Variants in CCDC138 observed in about 807,000 individuals in gnomAD.
CCDC138 encodes coiled-coil domain-containing protein 138.
Under a neutral mutation model 82.3 loss-of-function variants are expected in CCDC138, and 66 were observed. The observed-to-expected ratio is 0.80, with a 90% CI of 0.66 to 0.98. The LOEUF is 0.98. Among genes scored for constraint, CCDC138 ranks in the 50% least tolerant of loss-of-function variants. The probability of loss-of-function intolerance (pLI) is 0.00; values close to 1 mark genes in which losing one functional copy is unlikely to be tolerated. For missense variants in CCDC138, 816 were observed against 758.9 expected (o/e 1.08, Z -0.88); for synonymous variants, 297 against 265.4 (o/e 1.12, Z -1.16).
At chr2:108,870,017 T>C (rs1694998843) in intron 13 of CCDC138, among the ~76,000 whole-genome samples, 1 of 152,200 alleles carries the variant, frequency 6.6e-6, no homozygotes, top group African/African-American at 2.4e-5. Flanking sequence ...ATCTTAAATA[T>C]GCTCAATGAG....
intron 10 of CCDC138, among the ~76,000 whole-genome samples, chr2:108,833,446 A>C (rs1057079503): frequency 6.6e-6 from 1 of 152,244 alleles, no homozygotes; most frequent in African/African-American, 2.4e-5. Context: ...AACAGGAAGT[A>C]GAGATAGAGT....
chr2:108,821,005 C>T (rs1438813693), intron 10 of CCDC138, among the ~76,000 whole-genome samples: 1 of 87,108 alleles, frequency 1.1e-5, no homozygotes, highest in African/African-American at 3.8e-5. Context: ...TAGAATGTAA[C>T]AGACAAAAGT....
At chr2:108,839,450 G>T (rs1689099009) in intron 11 of CCDC138, 149 bp downstream of exon 11, 1 of 595,788 alleles carries the variant, frequency 1.7e-6, no homozygotes, top group Non-Finnish European at 2.7e-6. Context: ...GATAGGAATT[G>T]TGTTAAACCT....
chr2:108,868,752 A>G (rs192003181), intron 13 of CCDC138, among the ~76,000 whole-genome samples: 3 of 152,256 alleles, frequency 2.0e-5, no homozygotes, highest in African/African-American at 7.2e-5. Flanking sequence ...GCCTTTGACC[A>G]TGACACATAA....
intron 5 of CCDC138, 56 bp downstream of exon 5, chr2:108,794,777 G>T: frequency 7.5e-7 from 1 of 1,333,010 alleles, no homozygotes; most frequent in Non-Finnish European, 1.0e-6. Flanking sequence ...TAAGAACCAA[G>T]CATTTACGAA....
At chr2:108,870,598 A>G (rs1695078702) in intron 13 of CCDC138, among the ~76,000 whole-genome samples, 1 of 152,236 alleles carries the variant, frequency 6.6e-6, no homozygotes, top group African/African-American at 2.4e-5. Flanking sequence ...AGTATCTGCA[A>G]AGCAACAAAA....
At chr2:108,839,737 A>G (rs1308445861) in intron 11 of CCDC138, among the ~76,000 whole-genome samples, 3 of 151,914 alleles carry the variant, frequency 2.0e-5, no homozygotes, top group Non-Finnish European at 4.4e-5. Context: ...TGTGACCCTG[A>G]GCTTACTAGT....
At position 108,839,275 on chromosome 2, in the gene CCDC138, C is replaced by G; in HGVS notation, c.1297C>G (p.Leu433Val). 6.2e-7 allele frequency: 1 copy of G among 1,612,040 alleles called. No individual in the cohort carries two copies. Among genetic ancestry groups the G allele is most frequent in the Non-Finnish European group, 8.5e-7 (1 of 1,179,010 alleles). The change falls in exon 11 of 15, where the codon CTA becomes GTA. Residue 433 changes from leucine (L) to valine (V), a missense_variant. Coordinates refer to ENST00000295124, the MANE Select transcript of CCDC138 (RefSeq NM_144978.3). ...TTTTGTAAAATTTATATATTGGTCCCTAAGGCAGCTAGATGCTGGAGCACA... is the reference window on the plus strand; with the variant it reads ...TTTTGTAAAATTTATATATTGGTCCGTAAGGCAGCTAGATGCTGGAGCACA... ...EPFVKFIYWS[L>V]RQLDAGAQHS...
At position 108,850,672 on chromosome 2, in the gene CCDC138, C is replaced by T. The variant is rs113644545; in HGVS notation, c.1516+3742C>T. On this transcript the variant is annotated intron_variant, in intron 12 of 14. Coordinates refer to ENST00000295124, the MANE Select transcript of CCDC138 (RefSeq NM_144978.3). ...TTCACCATGTTCGCCAGGCTGGTCT[C>T]GAACTCCTGACCTCATGATCTGCCC... Among the ~76,000 whole-genome samples the T allele has an allele frequency of 2.6e-3, 397 of 152,120 alleles. 3 individuals are homozygous for T. The highest frequency in any genetic ancestry group is 9.0e-3 in the African/African-American group (374 of 41,506).
intron 7 of CCDC138, among the ~76,000 whole-genome samples, chr2:108,810,954 C>T (rs756547321): frequency 2.6e-5 from 4 of 151,936 alleles, no homozygotes; most frequent in Non-Finnish European, 5.9e-5. Context: ...CTAGGTTTTC[C>T]GGTTTGTTGG....
intron 11 of CCDC138, among the ~76,000 whole-genome samples, chr2:108,846,087 G>A (rs1690425526): frequency 6.6e-6 from 1 of 152,064 alleles, no homozygotes; most frequent in East Asian, 1.9e-4. Flanking sequence ...AGGGACTGAG[G>A]CTCTAGATAA....
rs11289218 is a variant in CCDC138, at chr2:108,797,962, ATT to A, written c.577-451_577-450del. ...ATGGGGCCACTTTTCACGGTGTGTGATTTTTTTTTTTTTTTTCTCCAGTGGTA... is the reference window on the plus strand; with the variant it reads ...ATGGGGCCACTTTTCACGGTGTGTGATTTTTTTTTTTTTTCTCCAGTGGTA... On this transcript the variant is annotated intron_variant, in intron 5 of 14. Transcript: ENST00000295124. 1.7e-3 allele frequency among the ~76,000 whole-genome samples: 237 copies of A among 141,188 alleles called. 1 individual carries two copies. Among genetic ancestry groups the A allele is most frequent in the African/African-American group, 3.6e-3 (138 of 38,222 alleles). 92.6% of individuals were successfully genotyped at this position (141,188 alleles called of 152,430 possible). A position where few individuals can be genotyped will look rare whatever the true frequency, so the allele number is the denominator to read the frequency against.
chr2:108,879,129 TTTTA>T (rs1312118966), downstream of CCDC138, among the ~76,000 whole-genome samples: 1 of 152,188 alleles, frequency 6.6e-6, no homozygotes, highest in Non-Finnish European at 1.5e-5. Flanking sequence ...CGTTGCAGTC[TTTTA>T]TTTATTTATT....
chr2:108,860,320 C>G (rs1224920133), intron 13 of CCDC138, among the ~76,000 whole-genome samples: 1 of 151,952 alleles, frequency 6.6e-6, no homozygotes, highest in East Asian at 1.9e-4. Flanking sequence ...CTTTGGATGC[C>G]TTTTATTTCT....
chr2:108,812,055 C>G (rs1421318752), intron 7 of CCDC138, among the ~76,000 whole-genome samples: 4 of 151,956 alleles, frequency 2.6e-5, no homozygotes, highest in Non-Finnish European at 5.9e-5. Context: ...ATTGGATACC[C>G]AGGAATAAAT....
At chr2:108,883,952 C>T (rs796893104) in intron 2 of CCDC138, 5 of 34,972 alleles carry the variant, frequency 1.4e-4, no homozygotes, top group African/African-American at 3.0e-4. Context: ...GAGTCTCTCA[C>T]AGGTTCCTAG....
rs1228042741 is a variant in CCDC138, at chr2:108,846,841, A to C, written c.1427A>C (p.Asn476Thr). Residue 476 changes from asparagine to threonine, a missense_variant, in exon 12 of 15, where the codon AAT becomes ACT. Transcript: ENST00000295124. Reference protein sequence around the residue: ...QDNSPQHSVENKPKTAAFFKS... With the variant: ...QDNSPQHSVETKPKTAAFFKS... The stretch of plus-strand genomic sequence containing the variant: ...AATTCTCCACAGCATTCTGTGGAGA[A>C]TAAACCAAAGACAGCTGCTTTCTTT... 5.6e-6 allele frequency: 9 copies of C among 1,613,760 alleles called. No homozygotes were observed. The highest frequency in any genetic ancestry group is 7.6e-6 in the Non-Finnish European group (9 of 1,179,770).
chr2:108,840,237 T>G (rs1022712671), intron 11 of CCDC138, among the ~76,000 whole-genome samples: 3 of 152,194 alleles, frequency 2.0e-5, no homozygotes, highest in Non-Finnish European at 4.4e-5. Flanking sequence ...TATTAACAAA[T>G]TCTATTTGCT....
chr2:108,797,143 G>A (rs1270304470), intron 5 of CCDC138, among the ~76,000 whole-genome samples: 1 of 152,108 alleles, frequency 6.6e-6, no homozygotes, highest in African/African-American at 2.4e-5. Flanking sequence ...GCCATTGAGT[G>A]GATATAATTA....
Sources: allele counts gnomAD v4.1 joint callset (sites outside exome capture counted in the v4.1 genomes callset), GRCh38; gene constraint gnomAD v4.1.1; transcripts MANE v1.5; gene names NCBI Gene and HGNC (gene_info 2026-07-23, HGNC 2026-07-21).